The following ZC3H14 variants were observed in gnomAD, a reference collection of about 807,000 sequenced individuals.
ZC3H14 encodes the protein zinc finger CCCH domain-containing protein 14.
A neutral mutation model predicts 92.4 loss-of-function variants in ZC3H14; 31 were observed. The observed-to-expected ratio is 0.34, with a 90% CI of 0.25 to 0.45. The LOEUF is 0.45. Ranked by LOEUF, ZC3H14 falls within the 20% of genes least tolerant of loss-of-function variation. The pLI is 1.00. For missense variants in ZC3H14, 781 were observed against 897.3 expected (o/e 0.87, Z 1.66); for synonymous variants, 321 against 300.9 (o/e 1.07, Z -0.69).
In ZC3H14 at chr14:88,586,391, C is replaced by T. The variant is rs115824822; in HGVS notation, c.1279+8251C>T. ...TGTTGGCAATATATTTTCCAAGAGT[C>T]TATTCACCTGTGAGTGTTTTCTTTC... On this transcript the variant is annotated intron_variant, in intron 9 of 16. Coordinates refer to ENST00000251038, the MANE Select transcript of ZC3H14 (RefSeq NM_024824.5). Among the ~76,000 whole-genome samples, 448 of 152,294 alleles carry T rather than the reference C, an allele frequency of 2.9e-3. 1 individual carries two copies. The highest frequency in any genetic ancestry group is 0.01 in the African/African-American group (431 of 41,554).
chr14:88,602,478 T>C (rs930098301), intron 11 of ZC3H14, among the ~76,000 whole-genome samples: 4 of 152,170 alleles, frequency 2.6e-5, no homozygotes, highest in Non-Finnish European at 5.9e-5. Context: ...TACAGATAAT[T>C]AGCATAAATG....
chr14:88,564,583 A>G (rs1465714696), intron 2 of ZC3H14, among the ~76,000 whole-genome samples: 3 of 152,312 alleles, frequency 2.0e-5, no homozygotes, highest in Admixed American at 2.0e-4. Flanking sequence ...CTAAGATGGT[A>G]TTTGTTATTT....
At position 88,596,808 on chromosome 14, in the gene ZC3H14, G is replaced by C; in HGVS notation, c.1354G>C (p.Asp452His). The C allele has an allele frequency of 1.9e-6, 3 of 1,613,904 alleles. No individual in the cohort carries two copies. The highest frequency in any genetic ancestry group is 2.5e-6 in the Non-Finnish European group (3 of 1,179,856). Reference sequence around the variant, plus strand: ...GGCAGAAACTCTGCAGATGAGTCAAGGTTGGTAATGTTTCAAGTTGTACTG... The same window carrying C: ...GGCAGAAACTCTGCAGATGAGTCAACGTTGGTAATGTTTCAAGTTGTACTG... Reference protein sequence around the residue: ...VMAETLQMSQDYYDMESMVHA... With the variant: ...VMAETLQMSQHYYDMESMVHA... The change falls in exon 10 of 17, where the codon GAT (aspartate) becomes CAT (histidine). Residue 452 changes from aspartate (D) to histidine (H), a missense_variant and splice_region_variant. Transcript: ENST00000251038.
chr14:88,589,700 T>A (rs937528812), intron 9 of ZC3H14: 13 of 152,266 alleles, frequency 8.5e-5, no homozygotes, highest in African/African-American at 3.1e-4. Context: ...GCCATTCTTT[T>A]TTTCTCTCCT....
chr14:88,616,446 G>A lies in ZC3H14; in HGVS notation c.*4695G>A. The A allele has an allele frequency of 1.6e-6, 1 of 617,834 alleles. No homozygotes were observed. Among genetic ancestry groups the A allele is most frequent in the South Asian group, 2.1e-5 (1 of 46,928 alleles). 38.3% of individuals were successfully genotyped at this position (617,834 alleles called of 1,614,324 possible). A position where few individuals can be genotyped will look rare whatever the true frequency, so the allele number is the denominator to read the frequency against. ...GCAGTCAGATGTCTCCAGGTACTCTGACCATTTTTCTCTAAGGAAAAGCAT... is the reference window on the plus strand; with the variant it reads ...GCAGTCAGATGTCTCCAGGTACTCTAACCATTTTTCTCTAAGGAAAAGCAT... On this transcript the variant is annotated 3_prime_UTR_variant, in exon 17 of 17. Transcript: ENST00000251038.
Position 88,616,823 on chromosome 14 carries a change from A to C in ZC3H14, c.*5072A>C, listed in dbSNP as rs779212135. On this transcript the variant is annotated 3_prime_UTR_variant, in exon 17 of 17. Coordinates refer to ENST00000251038, the MANE Select transcript of ZC3H14 (RefSeq NM_024824.5). ...TGAATGAGATACACAGGCACAGTTG[A>C]CATCAGCTTTCTCAGCATGTCTGGA... is the stretch of plus-strand genomic sequence containing the variant. 2 of 1,613,978 alleles carry C rather than the reference A, an allele frequency of 1.2e-6. No homozygotes were observed. Among genetic ancestry groups the C allele is most frequent in the South Asian group, 1.1e-5 (1 of 91,086 alleles).
In ZC3H14 at chr14:88,611,769, C is replaced by T; in HGVS notation, c.*18C>T. On this transcript the variant is annotated 3_prime_UTR_variant, in exon 17 of 17. Coordinates refer to ENST00000251038, the MANE Select transcript of ZC3H14 (RefSeq NM_024824.5). ...GCGAATAGCACCCAGTCCTGCCTGG[C>T]AGAAGATCATGCAGTTTGGAAGTTT... is the stretch of plus-strand genomic sequence containing the variant. The T allele has an allele frequency of 6.2e-7, 1 of 1,613,972 alleles. No individual in the cohort carries two copies. The highest frequency in any genetic ancestry group is 1.1e-5 in the South Asian group (1 of 91,074).
chr14:88,621,027 C>A lies in ZC3H14; in HGVS notation c.*9276C>A. 1 of 1,482,738 alleles carries A rather than the reference C, an allele frequency of 6.7e-7. No individual in the cohort carries two copies. The allele number at this position is 1,482,738 out of a possible 1,614,324, so 91.8% of individuals were successfully genotyped here. On this transcript the variant is annotated 3_prime_UTR_variant, in exon 17 of 17. Transcript: ENST00000251038. ...CTCAAAATGCTCAACAGAATTCTGG[C>A]AGTTCTTTAAGTACTAGCAATTTAG... is the stretch of plus-strand genomic sequence containing the variant.
chr14:88,604,427 C>T (rs1265596020), intron 12 of ZC3H14, among the ~76,000 whole-genome samples: 2 of 152,012 alleles, frequency 1.3e-5, no homozygotes, highest in Admixed American at 1.3e-4. Flanking sequence ...TCAGGAGTCT[C>T]TAGTCTCTGC....
chr14:88,577,920 G>A, intron 8 of ZC3H14, 65 bp from the exon 9 acceptor site: 2 of 1,592,228 alleles, frequency 1.3e-6, no homozygotes, highest in Non-Finnish European at 1.7e-6. Context: ...ATATGACATA[G>A]TCACTGTGGA....
intron 9 of ZC3H14, among the ~76,000 whole-genome samples, chr14:88,580,552 T>TG (rs1434346937): frequency 3.3e-4 from 5 of 15,108 alleles, no homozygotes; most frequent in South Asian, 2.7e-3. Context: ...TTTAAAAGTC[T>TG]AAAAGGGCTC....
chr14:88,567,124 A>ATTTATTTTTTT (rs142510062), intron 2 of ZC3H14, among the ~76,000 whole-genome samples: 3 of 145,232 alleles, frequency 2.1e-5, no homozygotes, highest in South Asian at 2.1e-4. Context: ...TTATTTATTT[A>ATTTATTTTTTT]TTTTTTTTTG....
Position 88,577,985 on chromosome 14 carries a change from T to C in ZC3H14, c.1124T>C (p.Val375Ala). ...TATCTTTTTTGCTTTTATGTGAAAGTTCCACAGAAACAGACACTTCCAGTT... is the reference window on the plus strand; with the variant it reads ...TATCTTTTTTGCTTTTATGTGAAAGCTCCACAGAAACAGACACTTCCAGTT... ...SVTKTTNYST[V>A]PQKQTLPVAP... is the part of the protein sequence containing the mutation. The change falls in exon 9 of 17, where the codon GTT (valine) becomes GCT (alanine). Residue 375 changes from valine to alanine, a missense_variant and splice_region_variant. Coordinates refer to ENST00000251038, the MANE Select transcript of ZC3H14 (RefSeq NM_024824.5). 6.2e-7 allele frequency: 1 copy of C among 1,614,122 alleles called. No homozygotes were observed.
chr14:88,573,041 A>G, intron 6 of ZC3H14, 34 bp downstream of exon 6: 2 of 1,609,978 alleles, frequency 1.2e-6, no homozygotes, highest in Non-Finnish European at 1.7e-6. Context: ...GGCTTAGGCT[A>G]AAAATCGGCA....
At chr14:88,596,995 T>C (rs1454148242) in intron 10 of ZC3H14, among the ~76,000 whole-genome samples, 187 bp downstream of exon 10, 1 of 152,200 alleles carries the variant, frequency 6.6e-6, no homozygotes, top group Non-Finnish European at 1.5e-5. Context: ...GTGTTATAAT[T>C]TTTTGCCTCA....
chr14:88,584,987 CA>C (rs1387233408), intron 9 of ZC3H14, among the ~76,000 whole-genome samples: 8 of 152,052 alleles, frequency 5.3e-5, no homozygotes, highest in Non-Finnish European at 1.2e-4. Context: ...ATGAAGCTGC[CA>C]CTGCAGCTAC....
Position 88,627,152 on chromosome 14 carries a change from G to A in ZC3H14, c.*15401G>A. On this transcript the variant is annotated 3_prime_UTR_variant, in exon 17 of 17. Transcript: ENST00000251038. ...TAGTTCAAAAAACAAAGGCTTAGAA[G>A]AGAGGCCAATGGCCCCTGCTCTACT... is the stretch of plus-strand genomic sequence containing the variant. The A allele has an allele frequency of 8.5e-7, 1 of 1,175,148 alleles. No homozygotes were observed. The highest frequency in any genetic ancestry group is 1.2e-6 in the Non-Finnish European group (1 of 813,224). 72.8% of individuals were successfully genotyped at this position (1,175,148 alleles called of 1,614,324 possible). A position where few individuals can be genotyped will look rare whatever the true frequency, so the allele number is the denominator to read the frequency against.
intron 9 of ZC3H14, chr14:88,591,466 C>T (rs1386361925): frequency 4.6e-5 from 7 of 151,932 alleles, no homozygotes; most frequent in Admixed American, 4.6e-4. Flanking sequence ...AGAACAGAAA[C>T]CCAAAGATCA....
At chr14:88,603,165 A>G in intron 12 of ZC3H14, 105 bp downstream of exon 12, 1 of 1,076,700 alleles carries the variant, frequency 9.3e-7, no homozygotes, top group Non-Finnish European at 1.4e-6. Flanking sequence ...GCTTTTATTT[A>G]TATTCAGTAA....
Sources: allele counts gnomAD v4.1 joint callset (sites outside exome capture counted in the v4.1 genomes callset), GRCh38; gene constraint gnomAD v4.1.1; transcripts MANE v1.5; gene names NCBI Gene and HGNC (gene_info 2026-07-23, HGNC 2026-07-21).